The following NCOR2 variants were observed in gnomAD, a reference collection of about 807,000 sequenced individuals.
NCOR2 encodes the protein CTG repeat protein 26.
Under a neutral mutation model 262.9 loss-of-function variants are expected in NCOR2, and 81 were observed. That is an observed-to-expected ratio of 0.31 (90% CI 0.26 to 0.37). The LOEUF (loss-of-function observed/expected upper bound fraction) is 0.37. Ranked by LOEUF, NCOR2 falls within the 10% of genes least tolerant of loss-of-function variation. The pLI, the probability that NCOR2 is intolerant of heterozygous loss-of-function variation, is 1.00. For synonymous variants in NCOR2, 1,659 were observed against 1,559.3 expected (o/e 1.06, Z -1.51); for missense variants, 3,385 against 3,621.4 (o/e 0.93, Z 1.68).
intron 19 of NCOR2, 51 bp downstream of exon 21, chr12:124,374,362 T>G (rs374190701): frequency 9.4e-5 from 149 of 1,585,762 alleles, no homozygotes; most frequent in Non-Finnish European, 9.3e-5. Context: ...GACCTTGGGA[T>G]GCCCGCCCCG....
At chr12:124,362,016 C>G in intron 22 of NCOR2, 110 bp downstream of exon 24, 1 of 1,039,608 alleles carries the variant, frequency 9.6e-7, no homozygotes, top group Non-Finnish European at 1.2e-6. Flanking sequence ...CTTTGCTTTC[C>G]CTGCCACTGT....
intron 1 of NCOR2, among the ~76,000 whole-genome samples, chr12:124,501,050 GCGCGCACGCGCGCACACA>G (rs1436345138): frequency 9.8e-5 from 3 of 30,534 alleles, no homozygotes; most frequent in South Asian, 1.1e-3. Context: ...GCACGAGCGC[GCGCGCACGCGCGCACACA>G]CACACACACA....
chr12:124,392,301 G>A (rs1051270449), intron 16 of NCOR2, among the ~76,000 whole-genome samples: 35 of 152,266 alleles, frequency 2.3e-4, no homozygotes, highest in Admixed American at 1.9e-3. Context: ...CCAAGTTCCT[G>A]CAGAAACCCC....
At chr12:124,452,642 C>G (rs2045617378) in intron 6 of NCOR2, among the ~76,000 whole-genome samples, 1 of 152,254 alleles carries the variant, frequency 6.6e-6, no homozygotes, top group African/African-American at 2.4e-5. Flanking sequence ...GCACGCAGCC[C>G]TGGGAGGGCG....
intron 1 of NCOR2, among the ~76,000 whole-genome samples, chr12:124,519,073 A>C (rs2050013573): frequency 1.5e-5 from 1 of 68,270 alleles, no homozygotes; most frequent in South Asian, 5.1e-4. Context: ...CTAGAAAAGA[A>C]GACGTGGCCA....
chr12:124,327,852 G>A (rs1593063191), intron 44 of NCOR2, among the ~76,000 whole-genome samples: 1 of 152,002 alleles, frequency 6.6e-6, no homozygotes, highest in African/African-American at 2.4e-5. Flanking sequence ...AAGGGGAGAG[G>A]CTGGTTCCTT....
chr12:124,527,705 G>A (rs2050552920), intron 1 of NCOR2, among the ~76,000 whole-genome samples: 2 of 152,172 alleles, frequency 1.3e-5, no homozygotes, highest in Admixed American at 1.3e-4. Flanking sequence ...TTACAGACGT[G>A]AGCCACTGTG....
At position 124,336,237 on chromosome 12, in the gene NCOR2, C is replaced by T. The variant is rs1268021913; in HGVS notation, c.6115+516G>A. ...CTCAGCTTCTCCTTGCACCGCCTGC[C>T]TCCACTTCCCCCAGTCCGACAGCAT... On this transcript the variant is annotated intron_variant, in intron 38 of 46. Coordinates refer to ENST00000405201, the Ensembl canonical transcript of NCOR2. 3.6e-5 allele frequency: 6 copies of T among 165,728 alleles called. No homozygotes were observed. In the East Asian group the frequency reaches 1.1e-3, roughly 31 times the overall value. The allele number at this position is 165,728 out of a possible 1,614,324, so 10.3% of individuals were successfully genotyped here.
upstream of NCOR2, chr12:124,538,884 C>A: frequency 6.6e-6 from 1 of 152,398 alleles, no homozygotes; most frequent in Non-Finnish European, 1.5e-5. Flanking sequence ...AGGACCCTTT[C>A]AGGGGCACAG....
chr12:124,385,606 C>T (rs2040749664), intron 17 of NCOR2, 139 bp downstream of exon 19: 1 of 1,315,792 alleles, frequency 7.6e-7, no homozygotes. Flanking sequence ...CTTGAACCCC[C>T]AGAAGCTGAG....
chr12:124,449,838 C>A, exon 7 of NCOR2: 3 of 1,614,086 alleles, frequency 1.9e-6, no homozygotes, highest in African/African-American at 1.3e-5. Flanking sequence ...CATGATACTG[C>A]CGGGTGTCGG....
At chr12:124,327,509 G>C in exon 45 of NCOR2, 1 of 1,613,878 alleles carries the variant, frequency 6.2e-7, no homozygotes, top group Non-Finnish European at 8.5e-7. Context: ...AAGCATTGGC[G>C]CTGAGCGGCG....
intron 1 of NCOR2, among the ~76,000 whole-genome samples, chr12:124,546,216 C>T (rs1376126960): frequency 6.6e-6 from 1 of 152,202 alleles, no homozygotes; most frequent in African/African-American, 2.4e-5. Flanking sequence ...AGAAACTCAG[C>T]TCACAGGGCT....
At chr12:124,336,874 G>C in exon 38 of NCOR2, 2 of 1,610,776 alleles carry the variant, frequency 1.2e-6, no homozygotes, top group Non-Finnish European at 1.7e-6. Context: ...GAGGTGCGAG[G>C]TTCTTCGCAG....
chr12:124,350,587 C>T (rs1164923155), exon 28 of NCOR2: 2 of 1,612,550 alleles, frequency 1.2e-6, no homozygotes, highest in East Asian at 2.2e-5. Flanking sequence ...TGCGACTCAC[C>T]CTCATAGGAC....
At chr12:124,526,482 G>A (rs980676627) in intron 1 of NCOR2, among the ~76,000 whole-genome samples, 4 of 152,188 alleles carry the variant, frequency 2.6e-5, no homozygotes, top group African/African-American at 9.6e-5. Flanking sequence ...TGGAGATATG[G>A]AGAGGCACCA....
chr12:124,452,324 C>G (rs2045598006), intron 6 of NCOR2, among the ~76,000 whole-genome samples: 1 of 152,224 alleles, frequency 6.6e-6, no homozygotes, highest in Non-Finnish European at 1.5e-5. Context: ...TTATGTTCCC[C>G]ACATGCCAAT....
intron 5 of NCOR2, among the ~76,000 whole-genome samples, chr12:124,458,452 C>T (rs1321738473): frequency 6.6e-6 from 1 of 152,220 alleles, no homozygotes; most frequent in African/African-American, 2.4e-5. Flanking sequence ...CCACCAAGAG[C>T]AGAGCCATGC....
intron 16 of NCOR2, among the ~76,000 whole-genome samples, chr12:124,394,640 G>A (rs2041535789): frequency 6.6e-6 from 1 of 152,206 alleles, no homozygotes; most frequent in Non-Finnish European, 1.5e-5. Flanking sequence ...GAGGGATGTG[G>A]TCATGAGCCA....
Sources: allele counts gnomAD v4.1 joint callset (sites outside exome capture counted in the v4.1 genomes callset), GRCh38; gene constraint gnomAD v4.1.1; transcripts MANE v1.5; gene names NCBI Gene and HGNC (gene_info 2026-07-23, HGNC 2026-07-21).